The following AGAP1 variants were observed in gnomAD, a reference collection of about 807,000 sequenced individuals.
The protein encoded by AGAP1 is arf-GAP with GTPase, ANK repeat and PH domain-containing protein 1.
Under a neutral mutation model 105.3 loss-of-function variants are expected in AGAP1, and 29 were observed. That is an observed-to-expected ratio of 0.28 (90% CI 0.21 to 0.38). The LOEUF is 0.38. Ranked by LOEUF, AGAP1 falls within the 10% of genes least tolerant of loss-of-function variation. The probability of loss-of-function intolerance (pLI) is 1.00; values close to 1 mark genes in which losing one functional copy is unlikely to be tolerated. For missense variants in AGAP1, 998 were observed against 1,165.1 expected, an observed-to-expected ratio of 0.86 and a Z score of 2.09; for synonymous variants, 509 against 485.9, an observed-to-expected ratio of 1.05 and a Z score of -0.63.
At chr2:235,803,721 A>G (rs1301697115) in intron 8 of AGAP1, among the ~76,000 whole-genome samples, 1 of 152,260 alleles carries the variant, frequency 6.6e-6, no homozygotes, top group East Asian at 1.9e-4. Context: ...ATATTCATAT[A>G]CAATTTTTAA....
In AGAP1 at chr2:236,125,536, T is replaced by C. The variant is rs2059989611; in HGVS notation, c.*1414T>C. 1 of 152,174 alleles carries C rather than the reference T, an allele frequency of 6.6e-6. No individual in the cohort carries two copies. Among genetic ancestry groups the C allele is most frequent in the Non-Finnish European group, 1.5e-5 (1 of 68,032 alleles). The allele number at this position is 152,174 out of a possible 1,614,324, so 9.4% of individuals were successfully genotyped here. A position where few individuals can be genotyped will look rare whatever the true frequency, so the allele number is the denominator to read the frequency against. On this transcript the variant is annotated 3_prime_UTR_variant, in exon 18 of 18. Transcript: ENST00000304032. The surrounding 1 kb of genome is among the most constrained non-coding windows in gnomAD (Gnocchi z 5.2). ...AAAGAAGGAATGTGGTCTCTCATGA[T>C]TGAAAGCATGATTTAGATCGGATAC... is the stretch of plus-strand genomic sequence containing the variant.
At chr2:235,587,545 A>G (rs1945156134) in intron 1 of AGAP1, among the ~76,000 whole-genome samples, 1 of 151,910 alleles carries the variant, frequency 6.6e-6, no homozygotes, top group Non-Finnish European at 1.5e-5. Context: ...TGAGGTCAGG[A>G]GTTTGCAACT....
chr2:235,591,363 G>C (rs535665046), intron 1 of AGAP1, among the ~76,000 whole-genome samples: 1 of 152,172 alleles, frequency 6.6e-6, no homozygotes, highest in Non-Finnish European at 1.5e-5. Flanking sequence ...TTGACTGAAC[G>C]AGGGGGAGTG....
intron 16 of AGAP1, among the ~76,000 whole-genome samples, chr2:236,093,984 G>A (rs1190223556): frequency 2.6e-5 from 4 of 152,106 alleles, no homozygotes; most frequent in African/African-American, 7.2e-5. Context: ...ATTTTTGCAA[G>A]CATAAACCCC....
At chr2:235,802,943 AATGGTGGTGATG>A (rs1254629592) in intron 8 of AGAP1, among the ~76,000 whole-genome samples, 3 of 6,166 alleles carry the variant, frequency 4.9e-4, no homozygotes, top group African/African-American at 1.9e-3. Flanking sequence ...TGATGGTTGT[AATGGTGGTGATG>A]ATGGTTGTGA....
At chr2:235,497,261 G>A (rs1305295385) in intron 1 of AGAP1, among the ~76,000 whole-genome samples, 1 of 152,164 alleles carries the variant, frequency 6.6e-6, no homozygotes, top group East Asian at 1.9e-4. Flanking sequence ...TTTGAATGGA[G>A]TTTCTGTCTC....
At position 235,888,873 on chromosome 2, in the gene AGAP1, G is replaced by A. The variant is rs2050393328; in HGVS notation, c.1155+5424G>A. 6.6e-6 allele frequency among the ~76,000 whole-genome samples: 1 copy of A among 152,278 alleles called. No individual in the cohort carries two copies. On this transcript the variant is annotated intron_variant, in intron 10 of 17. Coordinates refer to ENST00000304032, the MANE Select transcript of AGAP1 (RefSeq NM_001037131.3). This position sits in a 1 kb window ranked among gnomAD's most constrained non-coding sequence, Gnocchi z 4.8. ...GGGAAAGACACCCCAGCAGTGGGGA[G>A]CTCTGGCTTTCAGTTCCTTTGCACA... is the stretch of plus-strand genomic sequence containing the variant.
intron 9 of AGAP1, among the ~76,000 whole-genome samples, chr2:235,861,053 C>T (rs1375225575): frequency 6.6e-6 from 1 of 152,192 alleles, no homozygotes; most frequent in African/African-American, 2.4e-5. Context: ...TAATATGTTA[C>T]AGGAAATGGG....
intron 9 of AGAP1, among the ~76,000 whole-genome samples, chr2:235,826,013 GAAA>G (rs113141625): frequency 1.4e-5 from 2 of 146,142 alleles, no homozygotes; most frequent in African/African-American, 5.0e-5. Context: ...ATTAAAAACA[GAAA>G]AAAAAAAATA....
At chr2:235,674,258 C>T (rs1948601730) in intron 1 of AGAP1, among the ~76,000 whole-genome samples, 1 of 152,202 alleles carries the variant, frequency 6.6e-6, no homozygotes, top group African/African-American at 2.4e-5. Context: ...CAGAAAGACC[C>T]TGTGTCAGAT....
intron 11 of AGAP1, among the ~76,000 whole-genome samples, chr2:235,909,798 A>G (rs1299544816): frequency 1.3e-5 from 2 of 152,170 alleles, no homozygotes; most frequent in African/African-American, 4.8e-5. Context: ...AGGCGGGTGG[A>G]TCGCCTGAGG....
intron 8 of AGAP1, among the ~76,000 whole-genome samples, chr2:235,806,703 G>C (rs1048059581): frequency 6.6e-6 from 1 of 151,912 alleles, no homozygotes; most frequent in Non-Finnish European, 1.5e-5. Context: ...GCTTAACTTC[G>C]AATTTGCCAT....
Position 236,120,314 on chromosome 2 carries a change from G to A in AGAP1, c.2237G>A (p.Arg746Gln), listed in dbSNP as rs554352495. Residue 746 changes from arginine to glutamine, a missense_variant, in exon 17 of 18, where the codon CGG becomes CAG. Around this residue, in one of 3 missense-constraint regions of AGAP1, gnomAD observed 235 missense variants for 270.7 expected, o/e 0.87. Transcript: ENST00000304032. The surrounding 1 kb of genome is among the most constrained non-coding windows in gnomAD (Gnocchi z 6.0). ...LLRATADEDL[R>Q]TAILLLAHGS... ...CGGGCCACCGCCGACGAGGACCTGCGGACGGCCATCCTGCTGCTGGCACAC... is the reference window on the plus strand; with the variant it reads ...CGGGCCACCGCCGACGAGGACCTGCAGACGGCCATCCTGCTGCTGGCACAC... The A allele has an allele frequency of 3.3e-5, 54 of 1,612,604 alleles. No individual in the cohort carries two copies. The highest frequency in any genetic ancestry group is 2.5e-4 in the South Asian group (23 of 90,990).
chr2:235,678,310 G>A (rs1948869379), intron 1 of AGAP1, among the ~76,000 whole-genome samples: 1 of 152,220 alleles, frequency 6.6e-6, no homozygotes, highest in African/African-American at 2.4e-5. Flanking sequence ...CACTCTGGAT[G>A]TGTAATTTGG....
chr2:235,542,395 G>T (rs1943475866), intron 1 of AGAP1, among the ~76,000 whole-genome samples: 1 of 152,220 alleles, frequency 6.6e-6, no homozygotes, highest in South Asian at 2.1e-4. Flanking sequence ...CAATGGAGCT[G>T]TTTGCTCCTG....
Position 235,932,178 on chromosome 2 carries a change from C to T in AGAP1, c.1483+1255C>T, listed in dbSNP as rs564329417. Among the ~76,000 whole-genome samples, 99 of 152,362 alleles carry T rather than the reference C, an allele frequency of 6.5e-4. 1 individual carries two copies. The highest frequency in any genetic ancestry group is 5.9e-4 in the Admixed American group (9 of 15,308). ...TGCCCCAGCGGGCCTGGTAGTCAGC[C>T]TTTCATCAGCCCTGTGTGTGCTGCA... is the stretch of plus-strand genomic sequence containing the variant. On this transcript the variant is annotated intron_variant, in intron 12 of 17. Coordinates refer to ENST00000304032, the MANE Select transcript of AGAP1 (RefSeq NM_001037131.3).
intron 1 of AGAP1, among the ~76,000 whole-genome samples, chr2:235,528,327 C>A (rs1302382711): frequency 1.3e-5 from 2 of 151,920 alleles, no homozygotes; most frequent in Non-Finnish European, 2.9e-5. Context: ...CCGGCTCCAT[C>A]CACCATCTGT....
At chr2:235,886,506 C>G (rs1459467914) in intron 10 of AGAP1, among the ~76,000 whole-genome samples, 3 of 152,238 alleles carry the variant, frequency 2.0e-5, no homozygotes, top group Non-Finnish European at 4.4e-5. Flanking sequence ...TTCTCCTATC[C>G]ACAGGCTTTT....
rs2055492188 is a variant in AGAP1 at position 235,989,982 on chromosome 2, G to T, written c.1645+21359G>T. On this transcript the variant is annotated intron_variant, in intron 13 of 17. Coordinates refer to ENST00000304032, the MANE Select transcript of AGAP1 (RefSeq NM_001037131.3). This position sits in a 1 kb window ranked among gnomAD's most constrained non-coding sequence, Gnocchi z 4.4. ...GAACCAGTGGTTTAGGTTAAGATCA[G>T]CTAGATCTGTGTGAAGGACCAGTGT... Among the ~76,000 whole-genome samples, 1 of 152,066 alleles carries T rather than the reference G, an allele frequency of 6.6e-6. No homozygotes were observed. The highest frequency in any genetic ancestry group is 2.1e-4 in the South Asian group (1 of 4,826).
Sources: allele counts gnomAD v4.1 joint callset (sites outside exome capture counted in the v4.1 genomes callset), GRCh38; gene constraint gnomAD v4.1.1; regional missense constraint gnomAD v4.1.1; non-coding constraint Gnocchi (gnomAD v3.1); transcripts MANE v1.5; gene names NCBI Gene and HGNC (gene_info 2026-07-23, HGNC 2026-07-21).